The following PRDM5 variants were observed in gnomAD, a reference collection of about 807,000 sequenced individuals.
PRDM5 encodes PR/SET domain 5, also known as PR domain zinc finger protein 5.
A neutral mutation model predicts 81.2 loss-of-function variants in PRDM5; 56 were observed. The ratio of observed to expected loss-of-function variants is 0.69; its 90% CI spans 0.56 to 0.86. PRDM5 has a LOEUF of 0.86. Among genes scored for constraint, PRDM5 ranks in the 40% least tolerant of loss-of-function variants. The probability of loss-of-function intolerance (pLI) is 0.00; values close to 1 mark genes in which losing one functional copy is unlikely to be tolerated. For missense variants in PRDM5, 697 were observed against 770.1 expected (o/e 0.91, Z 1.12); for synonymous variants, 267 against 256.4 (o/e 1.04, Z -0.39).
At chr4:120,864,779 C>T (rs766478792) in intron 2 of PRDM5, among the ~76,000 whole-genome samples, 2 of 152,190 alleles carry the variant, frequency 1.3e-5, no homozygotes, top group Non-Finnish European at 2.9e-5. Context: ...TGTTTCCTCA[C>T]TCAGAATCTG....
Position 120,816,479 on chromosome 4 carries a change from T to C in PRDM5, c.839A>G (p.Lys280Arg), listed in dbSNP as rs183142477. The C allele has an allele frequency of 3.1e-5, 50 of 1,614,180 alleles. No individual in the cohort carries two copies. The Middle Eastern group carries it at 8.2e-4, about 27-fold the overall frequency. The change falls in exon 7 of 16, where the codon AAA (lysine) becomes AGA (arginine). Residue 280 changes from lysine to arginine, a missense_variant. Lys to Arg is a conservative substitution (Grantham distance 26). Coordinates refer to ENST00000264808, the MANE Select transcript of PRDM5 (RefSeq NM_018699.4). ...GKRLKSKDAL[K>R]RHQENVHTGD... ...AGTGTGGACATTTTCCTGGTGTCTT[T>C]TCAGGGCATCCTTGCTCTTCAGCCT...
intron 14 of PRDM5, among the ~76,000 whole-genome samples, chr4:120,743,527 G>C (rs1742444818): frequency 7.3e-6 from 1 of 136,424 alleles, no homozygotes; most frequent in Non-Finnish European, 1.6e-5. Flanking sequence ...GCTGTATTCA[G>C]GAAACCCATC....
chr4:120,770,797 AAC>A (rs1235268746), intron 13 of PRDM5, among the ~76,000 whole-genome samples: 1 of 152,332 alleles, frequency 6.6e-6, no homozygotes, highest in Admixed American at 6.5e-5. Context: ...ATCTTATAAT[AAC>A]AGTTACCTGC....
chr4:120,741,903 G>C (rs2149110448), intron 14 of PRDM5, among the ~76,000 whole-genome samples: 1 of 152,348 alleles, frequency 6.6e-6, no homozygotes, highest in Admixed American at 6.5e-5. Context: ...CAGCCAGCCA[G>C]CTCAAACTGG....
chr4:120,892,618 A>G (rs1579141888), intron 2 of PRDM5, among the ~76,000 whole-genome samples: 1 of 152,222 alleles, frequency 6.6e-6, no homozygotes, highest in East Asian at 1.9e-4. Context: ...GCACCTGCCC[A>G]TAGAATTTAG....
At chr4:120,784,733 A>C (rs1749515502) in intron 11 of PRDM5, among the ~76,000 whole-genome samples, 1 of 152,202 alleles carries the variant, frequency 6.6e-6, no homozygotes, top group Non-Finnish European at 1.5e-5. Flanking sequence ...AATATGGAAA[A>C]TGCTTTTATA....
chr4:120,772,422 A>G (rs1422965380), intron 13 of PRDM5, among the ~76,000 whole-genome samples: 1 of 152,204 alleles, frequency 6.6e-6, no homozygotes, highest in Non-Finnish European at 1.5e-5. Context: ...CCAACAGTGA[A>G]CAGTTCCTAT....
chr4:120,685,547 T>A (rs1189063281), intron 1 of PRDM5, among the ~76,000 whole-genome samples: 1 of 152,088 alleles, frequency 6.6e-6, no homozygotes, highest in African/African-American at 2.4e-5. Flanking sequence ...CTTCAGGGTG[T>A]AAGCTGGAAT....
At chr4:120,918,955 T>A (rs958029365) in intron 1 of PRDM5, among the ~76,000 whole-genome samples, 2 of 152,168 alleles carry the variant, frequency 1.3e-5, no homozygotes, top group Non-Finnish European at 2.9e-5. Context: ...GCCTGCCAAG[T>A]GGCCAGCCCA....
chr4:120,695,296 A>T, intron 15 of PRDM5, 21 bp from the exon 16 acceptor site: 1 of 1,612,840 alleles, frequency 6.2e-7, no homozygotes, highest in Non-Finnish European at 8.5e-7. Flanking sequence ...CCCAAAGACC[A>T]ACCATATTAT....
At chr4:120,763,396 C>T (rs4833670) in intron 13 of PRDM5, among the ~76,000 whole-genome samples, 15,903 of 152,098 alleles carry the variant, frequency 0.1, 1,030 homozygotes, top group Middle Eastern at 0.19. Flanking sequence ...CAACCAGGAG[C>T]ATAAATTACC....
chr4:120,817,143 G>C (rs1276358398), intron 5 of PRDM5, among the ~76,000 whole-genome samples: 1 of 152,110 alleles, frequency 6.6e-6, no homozygotes, highest in Non-Finnish European at 1.5e-5. Flanking sequence ...AAGCTAACCA[G>C]AATGCAACTT....
chr4:120,922,425 C>T, intron 1 of PRDM5, 91 bp downstream of exon 1: 3 of 1,205,510 alleles, frequency 2.5e-6, no homozygotes, highest in African/African-American at 1.6e-5. Flanking sequence ...GGGTGAAGCC[C>T]GCCGCGCCCC....
chr4:120,846,942 A>G (rs1758724768), intron 3 of PRDM5, among the ~76,000 whole-genome samples: 1 of 152,072 alleles, frequency 6.6e-6, no homozygotes, highest in African/African-American at 2.4e-5. Flanking sequence ...AGAGCCCGGG[A>G]TCTACTTAAA....
intron 14 of PRDM5, among the ~76,000 whole-genome samples, chr4:120,718,812 C>G (rs1031393822): frequency 1.3e-5 from 2 of 152,142 alleles, no homozygotes; most frequent in African/African-American, 4.8e-5. Flanking sequence ...CTGTCAGACA[C>G]ATTACAAACT....
In PRDM5 at chr4:120,821,350, A is replaced by C. The variant is rs1197320950; in HGVS notation, c.301-5T>G. 1 of 1,612,576 alleles carries C rather than the reference A, an allele frequency of 6.2e-7. No individual in the cohort carries two copies. Among genetic ancestry groups the C allele is most frequent in the Non-Finnish European group, 8.5e-7 (1 of 1,178,870 alleles). On this transcript the variant is annotated splice_polypyrimidine_tract_variant and splice_region_variant and intron_variant, in intron 3 of 15. Coordinates refer to ENST00000264808, the MANE Select transcript of PRDM5 (RefSeq NM_018699.4). ...ATAGAAAATGTTTTCTCCTTCCTGA[A>C]ACAAATTTTTTTAAATGCTGAACCA...
chr4:120,837,975 A>G (rs1464133241), intron 3 of PRDM5: 3 of 152,254 alleles, frequency 2.0e-5, no homozygotes, highest in African/African-American at 4.8e-5. Flanking sequence ...ACCATTAAGT[A>G]CCAACTTACG....
chr4:120,793,920 CT>C (rs1313649613), intron 10 of PRDM5, among the ~76,000 whole-genome samples: 1 of 151,790 alleles, frequency 6.6e-6, no homozygotes, highest in Non-Finnish European at 1.5e-5. Context: ...ACAAATTTCA[CT>C]TGTCATTATG....
chr4:120,700,499 CAAT>C (rs1340124230), intron 15 of PRDM5, among the ~76,000 whole-genome samples: 2 of 151,980 alleles, frequency 1.3e-5, no homozygotes, highest in African/African-American at 2.4e-5. Context: ...GCAAAACAAT[CAAT>C]AAAATAAACA....
Sources: gnomAD v4.1 joint callset for allele counts (sites outside exome capture counted in the v4.1 genomes callset) on GRCh38, gnomAD v4.1.1 for gene constraint, MANE v1.5 for transcripts, NCBI Gene and HGNC (gene_info 2026-07-23, HGNC 2026-07-21) for gene names.